CDC42BPA: variants seen among roughly 807,000 people sequenced by gnomAD.
CDC42BPA encodes serine/threonine-protein kinase MRCK alpha.
CDC42BPA carries 80 observed loss-of-function variants against 223.5 expected under a neutral mutation model. The ratio of observed to expected loss-of-function variants is 0.36; its 90% confidence interval spans 0.30 to 0.43. The LOEUF is 0.43. Among genes scored for constraint, CDC42BPA ranks in the 20% least tolerant of loss-of-function variants. The pLI, the probability that CDC42BPA is intolerant of heterozygous loss-of-function variation, is 1.00. For synonymous variants in CDC42BPA, 694 were observed against 718.6 expected (o/e 0.97, Z 0.55); for missense variants, 1,743 against 2,099.9 (o/e 0.83, Z 3.32).
intron 1 of CDC42BPA, among the ~76,000 whole-genome samples, chr1:227,304,013 T>C (rs73098391): frequency 0.03 from 4,587 of 152,310 alleles, 205 homozygotes; most frequent in African/African-American, 0.1. Context: ...TTCTTTTAAA[T>C]AGCAGCACCC....
intron 1 of CDC42BPA, among the ~76,000 whole-genome samples, chr1:227,270,530 A>G (rs921318507): frequency 3.3e-5 from 5 of 152,230 alleles, no homozygotes; most frequent in African/African-American, 1.2e-4. Flanking sequence ...TAAAATGGTG[A>G]TAATAGTAGA....
At chr1:227,220,309 TATAC>T (rs58457247) in intron 2 of CDC42BPA, among the ~76,000 whole-genome samples, 15,412 of 74,376 alleles carry the variant, frequency 0.21, 889 homozygotes, top group Middle Eastern at 0.24. Context: ...TATATATATA[TATAC>T]ACACACACAC....
chr1:227,219,847 GC>G (rs1395233372), intron 2 of CDC42BPA, among the ~76,000 whole-genome samples: 1 of 152,044 alleles, frequency 6.6e-6, no homozygotes, highest in Non-Finnish European at 1.5e-5. Context: ...TCATAATCCA[GC>G]CAATACTACC....
At chr1:227,234,010 C>T (rs1054611664) in intron 2 of CDC42BPA, among the ~76,000 whole-genome samples, 2 of 152,090 alleles carry the variant, frequency 1.3e-5, no homozygotes, top group Non-Finnish European at 2.9e-5. Flanking sequence ...CTCTATTTAT[C>T]TTTTAGGTTC....
intron 2 of CDC42BPA, among the ~76,000 whole-genome samples, chr1:227,227,679 CTT>C (rs1677086613): frequency 6.6e-6 from 1 of 152,118 alleles, no homozygotes; most frequent in Admixed American, 6.5e-5. Context: ...ACTTTGGAGA[CTT>C]TGAATTTTCC....
intron 27 of CDC42BPA, 33 bp from the exon 28 acceptor site, chr1:227,031,547 G>A (rs756199532): frequency 3.1e-5 from 47 of 1,532,444 alleles, no homozygotes; most frequent in Middle Eastern, 3.4e-4. Context: ...CATGATATTA[G>A]AAAACAGACA....
intron 35 of CDC42BPA, among the ~76,000 whole-genome samples, chr1:227,003,333 G>A (rs1044540864): frequency 2.0e-5 from 3 of 152,016 alleles, no homozygotes; most frequent in Non-Finnish European, 2.9e-5. Context: ...TGGTACACTT[G>A]GGGACTGCAC....
intron 3 of CDC42BPA, among the ~76,000 whole-genome samples, chr1:227,210,681 A>G (rs1453927055): frequency 6.6e-6 from 1 of 152,158 alleles, no homozygotes; most frequent in Non-Finnish European, 1.5e-5. Context: ...ACTTTAATTC[A>G]ATTTTTTAAA....
intron 14 of CDC42BPA, among the ~76,000 whole-genome samples, chr1:227,109,201 C>T (rs923076190): frequency 1.3e-5 from 2 of 152,004 alleles, no homozygotes; most frequent in African/African-American, 4.8e-5. Flanking sequence ...TACTGGAGAC[C>T]TGATAGATAA....
intron 16 of CDC42BPA, among the ~76,000 whole-genome samples, chr1:227,090,188 A>G (rs1682821489): frequency 6.6e-6 from 1 of 152,256 alleles, no homozygotes; most frequent in East Asian, 1.9e-4. Flanking sequence ...TGATGTGAAC[A>G]GTATTCTTTC....
chr1:227,126,512 GAA>G (rs1689659423), intron 11 of CDC42BPA, among the ~76,000 whole-genome samples: 1 of 100,118 alleles, frequency 1.0e-5, no homozygotes, highest in South Asian at 3.1e-4. Context: ...AGGAAGGAAG[GAA>G]GGAAGGTAAG....
intron 32 of CDC42BPA, among the ~76,000 whole-genome samples, chr1:227,020,857 T>G (rs888668196): frequency 2.0e-5 from 3 of 152,188 alleles, no homozygotes; most frequent in Non-Finnish European, 4.4e-5. Flanking sequence ...TTTAATCATT[T>G]CTAGCTTTTG....
chr1:227,280,109 T>C (rs1468362560), intron 1 of CDC42BPA, among the ~76,000 whole-genome samples: 1 of 152,144 alleles, frequency 6.6e-6, no homozygotes, highest in Non-Finnish European at 1.5e-5. Context: ...ATTAAAACCT[T>C]GTATAAAAAA....
chr1:227,284,623 G>A (rs558397104), intron 1 of CDC42BPA, among the ~76,000 whole-genome samples: 2 of 152,222 alleles, frequency 1.3e-5, no homozygotes, highest in African/African-American at 2.4e-5. Flanking sequence ...ACATTTGATT[G>A]CATTTTTCTC....
At chr1:227,219,803 G>A (rs1675516661) in intron 2 of CDC42BPA, among the ~76,000 whole-genome samples, 1 of 152,050 alleles carries the variant, frequency 6.6e-6, no homozygotes, top group Non-Finnish European at 1.5e-5. Flanking sequence ...GCCCAGCAGA[G>A]ATATTTTCAT....
intron 34 of CDC42BPA, among the ~76,000 whole-genome samples, chr1:227,010,298 G>T (rs1464902964): frequency 6.6e-6 from 1 of 152,112 alleles, no homozygotes; most frequent in African/African-American, 2.4e-5. Flanking sequence ...GGAATTACAT[G>T]CATTTCAGTA....
chr1:227,121,658 A>G (rs1688682043), intron 11 of CDC42BPA, among the ~76,000 whole-genome samples: 1 of 152,220 alleles, frequency 6.6e-6, no homozygotes, highest in Non-Finnish European at 1.5e-5. Flanking sequence ...TCTTATATTC[A>G]GAAAACTGTA....
At chr1:227,214,083 G>A (rs1010170164) in intron 2 of CDC42BPA, among the ~76,000 whole-genome samples, 2 of 152,074 alleles carry the variant, frequency 1.3e-5, no homozygotes, top group Non-Finnish European at 2.9e-5. Flanking sequence ...AGTTACTGGG[G>A]GTTGGTGGGG....
intron 16 of CDC42BPA, among the ~76,000 whole-genome samples, chr1:227,082,579 G>A (rs771059234): frequency 5.9e-5 from 9 of 151,800 alleles, no homozygotes; most frequent in Non-Finnish European, 1.3e-4. Flanking sequence ...GCCAGACGTG[G>A]TGGCATGTGC....
Sources: gnomAD v4.1 joint callset for allele counts (sites outside exome capture counted in the v4.1 genomes callset) on GRCh38, gnomAD v4.1.1 for gene constraint, MANE v1.5 for transcripts, NCBI Gene and HGNC (gene_info 2026-07-23, HGNC 2026-07-21) for gene names.